Variants in SLC28A2 observed in about 807,000 individuals in gnomAD.
SLC28A2 encodes solute carrier family 28 member 2.
A neutral mutation model predicts 72.9 loss-of-function variants in SLC28A2; 69 were observed. That is an observed-to-expected ratio of 0.95 (90% CI 0.78 to 1.16). The LOEUF (loss-of-function observed/expected upper bound fraction) is 1.16, where lower values mean the gene tolerates loss of function less well. Ranked by LOEUF, SLC28A2 falls within the 50% of genes most tolerant of loss-of-function variation. The probability of loss-of-function intolerance (pLI) is 0.00; values close to 1 mark genes in which losing one functional copy is unlikely to be tolerated. For missense variants in SLC28A2, 745 were observed against 791.1 expected (o/e 0.94, Z 0.70); for synonymous variants, 296 against 294.1 (o/e 1.01, Z -0.07).
intron 13 of SLC28A2, among the ~76,000 whole-genome samples, chr15:45,268,792 A>G (rs1900431009): frequency 6.6e-6 from 1 of 152,142 alleles, no homozygotes; most frequent in Non-Finnish European, 1.5e-5. Flanking sequence ...GATAGACTGG[A>G]TTAAGAAAAT....
intron 3 of SLC28A2, among the ~76,000 whole-genome samples, chr15:45,257,406 C>A (rs944108218): frequency 1.3e-5 from 2 of 152,162 alleles, no homozygotes; most frequent in Admixed American, 6.5e-5. Flanking sequence ...ACATTGAGGG[C>A]AAGATCAATG....
rs1900412975 is a variant in SLC28A2, at chr15:45,268,320, T to A, written c.1310T>A (p.Ile437Asn). Reference sequence around the variant, plus strand: ...GCCTTTTTGGCTGTGTTGGCCTTCATCAATGCTGCCCTCTCCTGGCTGGGG... The same window carrying A: ...GCCTTTTTGGCTGTGTTGGCCTTCAACAATGCTGCCCTCTCCTGGCTGGGG... ...LIAFLAVLAF[I>N]NAALSWLGEL... is the part of the protein sequence containing the mutation. Residue 437 changes from isoleucine (I) to asparagine (N), a missense_variant, in exon 13 of 18, where the codon ATC becomes AAC. Transcript: ENST00000347644. 1 of 1,611,896 alleles carries A rather than the reference T, an allele frequency of 6.2e-7. No individual in the cohort carries two copies. Among genetic ancestry groups the A allele is most frequent in the Non-Finnish European group, 8.5e-7 (1 of 1,178,144 alleles).
In SLC28A2 at chr15:45,272,311, CCGGAAG is replaced by C. The variant is rs768575390; in HGVS notation, c.1666_1671del (p.Arg556_Lys557del). ...TGTCTGCAGCATCAATAGTACCTCA[CCGGAAG>C]AGTGACTTGTCCAAGGTTGTGGTCA... is the stretch of plus-strand genomic sequence containing the variant. On this transcript the variant is annotated inframe_deletion, in exon 16 of 18. Transcript: ENST00000347644. 3.1e-6 allele frequency: 5 copies of C among 1,613,636 alleles called. No homozygotes were observed. The highest frequency in any genetic ancestry group is 4.2e-6 in the Non-Finnish European group (5 of 1,179,968).
chr15:45,272,459 G>C, intron 16 of SLC28A2, 66 bp downstream of exon 16: 1 of 1,300,868 alleles, frequency 7.7e-7, no homozygotes, highest in Non-Finnish European at 1.1e-6. Context: ...ATAATATGAG[G>C]AAGGTAGAAT....
chr15:45,269,401 C>T lies in SLC28A2; in HGVS notation c.1432C>T (p.Pro478Ser). 6.2e-7 allele frequency: 1 copy of T among 1,614,034 alleles called. No homozygotes were observed. The change falls in exon 14 of 18, where the codon CCA (proline) becomes TCA (serine). Residue 478 changes from proline to serine, a missense_variant. Pro to Ser is a moderately conservative substitution (Grantham distance 74). Transcript: ENST00000347644. Reference protein sequence around the residue: ...FMMGVEWTDCPMVAEMVGIKF... With the variant: ...FMMGVEWTDCSMVAEMVGIKF... The stretch of plus-strand genomic sequence containing the variant: ...GATGGGTGTAGAGTGGACAGACTGT[C>T]CAATGGTGGCTGAGATGGTGGGAAT...
intron 3 of SLC28A2, chr15:45,255,425 C>A (rs572111583): frequency 6.6e-6 from 1 of 152,134 alleles, no homozygotes; most frequent in South Asian, 2.1e-4. Context: ...GTCTCTGTTG[C>A]AATTATTAAA....
chr15:45,265,538 G>A, intron 8 of SLC28A2, 45 bp from the exon 9 acceptor site: 1 of 1,312,052 alleles, frequency 7.6e-7, no homozygotes, highest in Non-Finnish European at 1.1e-6. Context: ...AAAACACAGA[G>A]TATGCAATGT....
At chr15:45,252,595 A>C (rs918314785) in intron 1 of SLC28A2, among the ~76,000 whole-genome samples, 22 of 152,230 alleles carry the variant, frequency 1.4e-4, no homozygotes, top group Admixed American at 6.5e-5. Flanking sequence ...TTTGTTTAAA[A>C]ACTTTACTTG....
At chr15:45,265,694 C>T (rs1307569654) in intron 9 of SLC28A2, 31 bp downstream of exon 9, 1 of 1,418,056 alleles carries the variant, frequency 7.1e-7, no homozygotes, top group Admixed American at 1.7e-5. Flanking sequence ...AGTCAGGAGA[C>T]AGGCCTTCAT....
rs745487008 is a variant in SLC28A2 at position 45,270,188 on chromosome 15, TC to T, written c.1567-4del. On this transcript the variant is annotated splice_polypyrimidine_tract_variant and splice_region_variant and intron_variant, in intron 14 of 17. Coordinates refer to ENST00000347644, the MANE Select transcript of SLC28A2 (RefSeq NM_004212.4). Reference sequence around the variant, plus strand: ...TTTATTTGCTTATTTATTTTTGTTTTCCCTAGGTGAGAGCTGAAATCATTAC... The same window carrying T: ...TTTATTTGCTTATTTATTTTTGTTTTCCTAGGTGAGAGCTGAAATCATTAC... The T allele has an allele frequency of 6.2e-7, 1 of 1,606,736 alleles. No individual in the cohort carries two copies. The highest frequency in any genetic ancestry group is 1.1e-5 in the South Asian group (1 of 90,910).
chr15:45,258,798 A>G (rs1432769489), intron 3 of SLC28A2, among the ~76,000 whole-genome samples: 2 of 152,220 alleles, frequency 1.3e-5, no homozygotes, highest in Non-Finnish European at 2.9e-5. Flanking sequence ...TAGTGCAGCT[A>G]TGAACATTTT....
At position 45,269,481 on chromosome 15, in the gene SLC28A2, C is replaced by T. The variant is rs1436702224; in HGVS notation, c.1512C>T (p.Asn504=). The T allele has an allele frequency of 1.2e-6, 2 of 1,613,930 alleles. No homozygotes were observed. Among genetic ancestry groups the T allele is most frequent in the Non-Finnish European group, 1.7e-6 (2 of 1,179,944 alleles). ...ATCAGCAACTGTCTCAATACAAGAA[C>T]AAACGTCTCTCTGGAATGGAGGAGT... The part of the protein sequence containing the change: ...VAYQQLSQYK[N]KRLSGMEEWI... The change falls in exon 14 of 18, where the codon AAC becomes AAT. Residue 504 remains asparagine, a synonymous_variant. Transcript: ENST00000347644.
chr15:45,252,341 T>A, intron 1 of SLC28A2, 63 bp downstream of exon 1: 1 of 454,920 alleles, frequency 2.2e-6, no homozygotes, highest in Non-Finnish European at 4.4e-6. Context: ...GAGATCATAT[T>A]TAAACTAAAT....
rs189783651 is a variant in SLC28A2 at position 45,267,895 on chromosome 15, G to A, written c.1199+99G>A. ...TCAAGTCTCCCTGAGGGGGAATAAT[G>A]TGATTCCATATTCCTTCTTGCCTAT... On this transcript the variant is annotated intron_variant, in intron 12 of 17. Coordinates refer to ENST00000347644, the MANE Select transcript of SLC28A2 (RefSeq NM_004212.4). 52 of 1,379,404 alleles carry A rather than the reference G, an allele frequency of 3.8e-5. No individual in the cohort carries two copies. In the African/African-American group the frequency reaches 6.3e-4, roughly 17 times the overall value. The allele number at this position is 1,379,404 out of a possible 1,614,324, so 85.4% of individuals were successfully genotyped here.
At position 45,264,715 on chromosome 15, in the gene SLC28A2, A is replaced by C; in HGVS notation, c.649A>C (p.Ile217Leu). Residue 217 changes from isoleucine (I) to leucine (L), a missense_variant, in exon 7 of 18, where the codon ATC becomes CTC. Coordinates refer to ENST00000347644, the MANE Select transcript of SLC28A2 (RefSeq NM_004212.4). ...TCAATTTGTCTTTGGGATCTTGGTC[A>C]TCAGAACTGATCTTGGATATACTGT... ...GLQFVFGILV[I>L]RTDLGYTVFQ... is the part of the protein sequence containing the mutation. The C allele has an allele frequency of 1.9e-6, 3 of 1,614,038 alleles. No individual in the cohort carries two copies. The highest frequency in any genetic ancestry group is 2.5e-6 in the Non-Finnish European group (3 of 1,179,886).
Position 45,269,546 on chromosome 15 carries a change from A to G in SLC28A2, c.1566+11A>G, listed in dbSNP as rs376471971. Reference sequence around the variant, plus strand: ...AAACAGTGGATTTCTGTAAGTGACAATCCAAAAAGCATAAACACCGTGAGG... The same window carrying G: ...AAACAGTGGATTTCTGTAAGTGACAGTCCAAAAAGCATAAACACCGTGAGG... On this transcript the variant is annotated intron_variant, in intron 14 of 17. Coordinates refer to ENST00000347644, the MANE Select transcript of SLC28A2 (RefSeq NM_004212.4). 9.3e-6 allele frequency: 15 copies of G among 1,610,422 alleles called. No homozygotes were observed. In the Admixed American group the frequency reaches 1.3e-4, roughly 14 times the overall value.
At chr15:45,257,902 T>C (rs1595671823) in intron 3 of SLC28A2, among the ~76,000 whole-genome samples, 1 of 152,244 alleles carries the variant, frequency 6.6e-6, no homozygotes, top group Non-Finnish European at 1.5e-5. Flanking sequence ...TGATGGCTCA[T>C]GTATTTGCAT....
chr15:45,266,065 T>G lies in SLC28A2; in HGVS notation c.862-16T>G, dbSNP rs770738701. ...TCCTGCTAACATTAATGGTTTAGGTTTCTGTATTCTTCTAGGTCGCCTGGT... is the reference window on the plus strand; with the variant it reads ...TCCTGCTAACATTAATGGTTTAGGTGTCTGTATTCTTCTAGGTCGCCTGGT... On this transcript the variant is annotated splice_polypyrimidine_tract_variant and intron_variant, in intron 9 of 17. Transcript: ENST00000347644. 6.4e-7 allele frequency: 1 copy of G among 1,574,374 alleles called. No individual in the cohort carries two copies.
intron 17 of SLC28A2, 49 bp from the exon 18 acceptor site, chr15:45,275,347 C>A: frequency 9.2e-7 from 1 of 1,090,620 alleles, no homozygotes; most frequent in Non-Finnish European, 1.4e-6. Flanking sequence ...TGTTTTGTTG[C>A]TTTGTTCCTG....
Sources: gnomAD v4.1 joint callset for allele counts (sites outside exome capture counted in the v4.1 genomes callset) on GRCh38, gnomAD v4.1.1 for gene constraint, MANE v1.5 for transcripts, NCBI Gene and HGNC (gene_info 2026-07-23, HGNC 2026-07-21) for gene names.